Variants in PTPN1 observed in about 807,000 individuals in gnomAD.
PTPN1 encodes the protein protein tyrosine phosphatase non-receptor type 1, also known as tyrosine-protein phosphatase non-receptor type 1.
In PTPN1, 12 loss-of-function variants were observed where a neutral mutation model predicts 59.9. The observed-to-expected ratio is 0.20, with a 90% CI of 0.13 to 0.32. The LOEUF is 0.32. Ranked by LOEUF, PTPN1 falls within the 10% of genes least tolerant of loss-of-function variation. The probability of loss-of-function intolerance (pLI) is 1.00; values close to 1 mark genes in which losing one functional copy is unlikely to be tolerated. For missense variants in PTPN1, 356 were observed against 549.2 expected, an observed-to-expected ratio of 0.65 and a Z score of 3.52; for synonymous variants, 178 against 203.6, an observed-to-expected ratio of 0.87 and a Z score of 1.07.
At chr20:50,579,658 G>C in intron 7 of PTPN1, 45 bp from the exon 8 acceptor site, 1 of 1,547,948 alleles carries the variant, frequency 6.5e-7, no homozygotes, top group African/African-American at 1.4e-5. Context: ...TGACAAACCA[G>C]CCGAAGTGAA....
intron 1 of PTPN1, among the ~76,000 whole-genome samples, chr20:50,559,030 A>ATTTT (rs35277786): frequency 1.6e-4 from 19 of 119,438 alleles, no homozygotes; most frequent in African/African-American, 4.3e-4. Context: ...ACGTCAGGGA[A>ATTTT]TTTTTTTTTT....
chr20:50,578,586 G>C lies in PTPN1; in HGVS notation c.659G>C (p.Gly220Ala). ...PVVVHCSAGI[G>A]RSGTFCLADT... The stretch of plus-strand genomic sequence containing the variant: ...GTGGTGCACTGCAGTGCAGGCATCG[G>C]CAGGTCTGGAACCTTCTGTCTGGCT... The change falls in exon 6 of 10, where the codon GGC becomes GCC. Residue 220 changes from glycine to alanine, a missense_variant. Gly to Ala is a moderately conservative substitution (Grantham distance 60, BLOSUM62 0). Around this residue, in one of 3 missense-constraint regions of PTPN1, gnomAD observed 194 missense variants for 344.2 expected, o/e 0.56. Transcript: ENST00000371621. 1 of 1,614,202 alleles carries C rather than the reference G, an allele frequency of 6.2e-7. No individual in the cohort carries two copies. The highest frequency in any genetic ancestry group is 8.5e-7 in the Non-Finnish European group (1 of 1,180,044).
chr20:50,544,443 A>G (rs1343502464), intron 1 of PTPN1, among the ~76,000 whole-genome samples: 1 of 152,200 alleles, frequency 6.6e-6, no homozygotes, highest in African/African-American at 2.4e-5. Context: ...GGTGTAAGCC[A>G]TTGCGCCCTG....
chr20:50,524,061 C>T (rs1437767507), intron 1 of PTPN1, among the ~76,000 whole-genome samples: 1 of 152,154 alleles, frequency 6.6e-6, no homozygotes, highest in Admixed American at 6.5e-5. Context: ...ATATATTTTT[C>T]CTCTCTTCCT....
Position 50,583,209 on chromosome 20 carries a change from A to G in PTPN1, c.*494A>G, listed in dbSNP as rs1329793750. 1 of 157,756 alleles carries G rather than the reference A, an allele frequency of 6.3e-6. No individual in the cohort carries two copies. The highest frequency in any genetic ancestry group is 6.2e-5 in the Admixed American group (1 of 16,082). The allele number at this position is 157,756 out of a possible 1,614,324, so 9.8% of individuals were successfully genotyped here. On this transcript the variant is annotated 3_prime_UTR_variant, in exon 10 of 10. Transcript: ENST00000371621. ...AATTTTTTGATGTCAGCCTTGCATC[A>G]AGGGCTTTATCAAAAAGTACAATAA...
intron 1 of PTPN1, among the ~76,000 whole-genome samples, chr20:50,534,323 A>G (rs1235109008): frequency 2.0e-5 from 3 of 152,240 alleles, no homozygotes; most frequent in East Asian, 1.9e-4. Context: ...TCCTTGAAAC[A>G]CATTTAATTA....
rs963826115 is a variant in PTPN1, at chr20:50,511,598, A to G, written c.63+1008A>G. On this transcript the variant is annotated intron_variant, in intron 1 of 9. Transcript: ENST00000371621. ...CAGAGATGACCTTGTCTTAGGAGTCATCTCCTTGTGTGTTAAAAAGTTAGG... is the reference window on the plus strand; with the variant it reads ...CAGAGATGACCTTGTCTTAGGAGTCGTCTCCTTGTGTGTTAAAAAGTTAGG... Among the ~76,000 whole-genome samples the G allele has an allele frequency of 2.0e-5, 3 of 152,176 alleles. No individual in the cohort carries two copies. In the East Asian group the frequency reaches 5.8e-4, roughly 29 times the overall value.
chr20:50,511,296 G>A (rs541980501), intron 1 of PTPN1, among the ~76,000 whole-genome samples: 1 of 152,180 alleles, frequency 6.6e-6, no homozygotes, highest in Non-Finnish European at 1.5e-5. Context: ...CTTCCTAACG[G>A]GGTACAGGGT....
At chr20:50,538,224 T>TAAAA (rs5841805) in intron 1 of PTPN1, among the ~76,000 whole-genome samples, 2 of 145,392 alleles carry the variant, frequency 1.4e-5, no homozygotes, top group Non-Finnish European at 1.5e-5. Flanking sequence ...TGTAAAAAGT[T>TAAAA]AAAAAAAAAA....
Position 50,568,257 on chromosome 20 carries a change from G to A in PTPN1, c.256-123G>A. 1 of 784,610 alleles carries A rather than the reference G, an allele frequency of 1.3e-6. No individual in the cohort carries two copies. The allele number at this position is 784,610 out of a possible 1,614,324, so 48.6% of individuals were successfully genotyped here. ...GAGGTGGGTCCCTGTCCCAGCCTCAGCCACCACTCTGCCTAAGCTGTGGGG... is the reference window on the plus strand; with the variant it reads ...GAGGTGGGTCCCTGTCCCAGCCTCAACCACCACTCTGCCTAAGCTGTGGGG... On this transcript the variant is annotated intron_variant, in intron 3 of 9. Coordinates refer to ENST00000371621, the MANE Select transcript of PTPN1 (RefSeq NM_002827.4). This position sits in a 1 kb window ranked among gnomAD's most constrained non-coding sequence, Gnocchi z 5.6.
At chr20:50,538,408 C>T (rs980364750) in intron 1 of PTPN1, among the ~76,000 whole-genome samples, 1 of 152,226 alleles carries the variant, frequency 6.6e-6, no homozygotes, top group African/African-American at 2.4e-5. Context: ...AGGGGCTATA[C>T]AAGCAAACAG....
intron 1 of PTPN1, among the ~76,000 whole-genome samples, chr20:50,558,810 G>A (rs574144265): frequency 3.9e-5 from 6 of 151,998 alleles, no homozygotes; most frequent in Non-Finnish European, 8.8e-5. Context: ...CTCGCTTCCC[G>A]TGTCTGTCAT....
rs2082847829 is a variant in PTPN1, at chr20:50,578,435, G to C, written c.508G>C (p.Glu170Gln). The C allele has an allele frequency of 6.2e-7, 1 of 1,613,814 alleles. No homozygotes were observed. Residue 170 changes from glutamate to glutamine, a missense_variant, in exon 6 of 10, where the codon GAG becomes CAG. This residue lies in a region of PTPN1 where 194 missense variants were observed against 344.2 expected (regional missense o/e 0.56). Transcript: ENST00000371621. ...LENLTTQETR[E>Q]ILHFHYTTWP... ...TCTCTTTCAGACCCAAGAAACTCGA[G>C]AGATCTTACATTTCCACTATACCAC... is the stretch of plus-strand genomic sequence containing the variant.
At chr20:50,538,527 G>A (rs570315116) in intron 1 of PTPN1, among the ~76,000 whole-genome samples, 23 of 152,340 alleles carry the variant, frequency 1.5e-4, no homozygotes, top group South Asian at 4.1e-4. Context: ...TTACGTTTGC[G>A]TGTGTTTGGA....
At chr20:50,533,954 G>A (rs1307347558) in intron 1 of PTPN1, among the ~76,000 whole-genome samples, 1 of 152,088 alleles carries the variant, frequency 6.6e-6, no homozygotes, top group African/African-American at 2.4e-5. Flanking sequence ...TTTTTGAGAT[G>A]GAGTCTTTCT....
intron 2 of PTPN1, among the ~76,000 whole-genome samples, chr20:50,564,446 T>G (rs1192844459): frequency 3.9e-5 from 6 of 151,900 alleles, no homozygotes; most frequent in African/African-American, 1.2e-4. Flanking sequence ...ATAGAAAAAT[T>G]AGGTGAGCAT....
intron 1 of PTPN1, among the ~76,000 whole-genome samples, chr20:50,548,967 C>A (rs1429395444): frequency 6.6e-6 from 1 of 152,242 alleles, no homozygotes; most frequent in Admixed American, 6.5e-5. Flanking sequence ...ATCCGCCCGC[C>A]TTGGCCTCCC....
intron 1 of PTPN1, among the ~76,000 whole-genome samples, chr20:50,560,236 C>A (rs2082745955): frequency 6.6e-6 from 1 of 152,102 alleles, no homozygotes. Flanking sequence ...GCGCTCACAT[C>A]TTCCACTGTG....
intron 1 of PTPN1, among the ~76,000 whole-genome samples, chr20:50,544,206 A>T (rs1228381982): frequency 6.6e-6 from 1 of 152,176 alleles, no homozygotes; most frequent in Non-Finnish European, 1.5e-5. Flanking sequence ...GCTGAAGTAC[A>T]GTGGCCCAAT....
Sources: gnomAD v4.1 joint callset for allele counts (sites outside exome capture counted in the v4.1 genomes callset) on GRCh38, gnomAD v4.1.1 for gene constraint, gnomAD v4.1.1 regional missense constraint, Gnocchi (gnomAD v3.1) non-coding constraint, MANE v1.5 for transcripts, NCBI Gene and HGNC (gene_info 2026-07-23, HGNC 2026-07-21) for gene names.